The following TOX3 variants were observed in gnomAD, a reference collection of about 807,000 sequenced individuals.
TOX3 encodes TOX high mobility group box family member 3.
TOX3 carries 22 observed loss-of-function variants against 64.3 expected under a neutral mutation model. That is an observed-to-expected ratio of 0.34 (90% confidence interval 0.24 to 0.49). The LOEUF (loss-of-function observed/expected upper bound fraction) is 0.49. TOX3 is among the 20% of genes least tolerant of loss of function. The pLI is 0.99. For synonymous variants in TOX3, 291 were observed against 273.6 expected (o/e 1.06, Z -0.63); for missense variants, 661 against 714.4 (o/e 0.93, Z 0.85).
At chr16:52,440,935 G>C (rs1340674994) in intron 6 of TOX3, among the ~76,000 whole-genome samples, 1 of 151,172 alleles carries the variant, frequency 6.6e-6, no homozygotes, top group Non-Finnish European at 1.5e-5. Context: ...TAATTTTTTT[G>C]TATTTTTTAG....
At chr16:52,469,947 G>A (rs1036911896) in intron 1 of TOX3, among the ~76,000 whole-genome samples, 11 of 152,234 alleles carry the variant, frequency 7.2e-5, no homozygotes, top group African/African-American at 2.2e-4. Context: ...CCAACACACC[G>A]AAATGCACAT....
At chr16:52,468,201 T>C (rs1448600020) in intron 2 of TOX3, among the ~76,000 whole-genome samples, 3 of 152,228 alleles carry the variant, frequency 2.0e-5, no homozygotes, top group Admixed American at 2.0e-4. Flanking sequence ...TCTGCTTAGA[T>C]ACCAACACTG....
chr16:52,499,899 T>C (rs1037645570), intron 1 of TOX3, among the ~76,000 whole-genome samples: 1 of 152,080 alleles, frequency 6.6e-6, no homozygotes, highest in Non-Finnish European at 1.5e-5. Flanking sequence ...GTTCTGAGAG[T>C]GTACAATCTG....
rs536423164 is a variant in TOX3 at position 52,500,771 on chromosome 16, T to A, written c.88-32197A>T. ...AGAAACTATCATATTTCATAAAATCTAAGACACCATTGATTATAAGATATA... is the reference window on the plus strand; with the variant it reads ...AGAAACTATCATATTTCATAAAATCAAAGACACCATTGATTATAAGATATA... On this transcript the variant is annotated intron_variant, in intron 1 of 6. Transcript: ENST00000219746. Among the ~76,000 whole-genome samples, 5 of 152,232 alleles carry A rather than the reference T, an allele frequency of 3.3e-5. No individual in the cohort carries two copies. The East Asian group carries it at 7.7e-4, about 23-fold the overall frequency.
chr16:52,480,929 G>GT (rs11454608), intron 1 of TOX3, among the ~76,000 whole-genome samples: 34,173 of 147,948 alleles, frequency 0.23, 4,430 homozygotes, highest in South Asian at 0.36. Flanking sequence ...TCTGAAGAGA[G>GT]TTTTTTTTTT....
At chr16:52,479,775 G>T (rs891178667) in intron 1 of TOX3, among the ~76,000 whole-genome samples, 1 of 152,150 alleles carries the variant, frequency 6.6e-6, no homozygotes, top group African/African-American at 2.4e-5. Flanking sequence ...TTTAGAAAGG[G>T]TTGTGACCTG....
chr16:52,472,089 G>A, intron 1 of TOX3, among the ~76,000 whole-genome samples: 1 of 152,118 alleles, frequency 6.6e-6, no homozygotes, highest in East Asian at 1.9e-4. Flanking sequence ...TGGTTCCATG[G>A]TCCAGTAAGG....
intron 1 of TOX3, among the ~76,000 whole-genome samples, chr16:52,512,358 A>G (rs1282350659): frequency 2.6e-5 from 4 of 152,224 alleles, no homozygotes; most frequent in Admixed American, 2.6e-4. Flanking sequence ...GTTCAAAATG[A>G]TTCCAACCCA....
chr16:52,440,112 CT>C, intron 6 of TOX3, 144 bp from the exon 7 acceptor site: 1 of 673,534 alleles, frequency 1.5e-6, no homozygotes, highest in Non-Finnish European at 2.4e-6. Flanking sequence ...TGTCTTGTGA[CT>C]TTTTCACTCC....
intron 4 of TOX3, among the ~76,000 whole-genome samples, chr16:52,448,610 C>T (rs1596776791): frequency 6.6e-6 from 1 of 152,152 alleles, no homozygotes; most frequent in African/African-American, 2.4e-5. Flanking sequence ...CATCTTGAAA[C>T]CCCTTCAATT....
chr16:52,513,025 G>T (rs942369908), intron 1 of TOX3, among the ~76,000 whole-genome samples: 1 of 152,294 alleles, frequency 6.6e-6, no homozygotes, highest in African/African-American at 2.4e-5. Context: ...ATAATGTCAC[G>T]TTGCATACCA....
At chr16:52,519,381 A>C (rs1297943253) in intron 1 of TOX3, 1 of 1,549,642 alleles carries the variant, frequency 6.5e-7, no homozygotes, top group Non-Finnish European at 8.7e-7. Flanking sequence ...TCCATTAGAA[A>C]CCTCACCAGA....
chr16:52,501,863 G>A (rs1402687080), intron 1 of TOX3, among the ~76,000 whole-genome samples: 1 of 152,138 alleles, frequency 6.6e-6, no homozygotes, highest in African/African-American at 2.4e-5. Context: ...AACAAGTAAA[G>A]TTCCTTCTGC....
At chr16:52,515,948 T>C (rs559939280) in intron 1 of TOX3, among the ~76,000 whole-genome samples, 1 of 146,238 alleles carries the variant, frequency 6.8e-6, no homozygotes, top group South Asian at 2.2e-4. Context: ...CTCTTTTCTT[T>C]CCCATTTGAA....
At chr16:52,542,744 C>T (rs1038577721) in intron 1 of TOX3, among the ~76,000 whole-genome samples, 2 of 152,122 alleles carry the variant, frequency 1.3e-5, no homozygotes, top group Non-Finnish European at 2.9e-5. Flanking sequence ...GAAGACCTGT[C>T]GTGATAGGAT....
At chr16:52,452,111 G>A (rs530068788) in intron 3 of TOX3, among the ~76,000 whole-genome samples, 3 of 152,034 alleles carry the variant, frequency 2.0e-5, no homozygotes, top group Admixed American at 6.5e-5. Flanking sequence ...GTACATAAAA[G>A]GCAAGTTAAA....
intron 1 of TOX3, among the ~76,000 whole-genome samples, chr16:52,543,659 C>G (rs1963120208): frequency 6.6e-6 from 1 of 152,100 alleles, no homozygotes; most frequent in East Asian, 1.9e-4. Flanking sequence ...CCTTAGGAAA[C>G]AGTGATGACT....
upstream of TOX3, chr16:52,547,538 C>T (rs544738174): frequency 9.2e-5 from 14 of 152,334 alleles, no homozygotes; most frequent in South Asian, 4.2e-4. Flanking sequence ...CCGTCTGCTC[C>T]CTTCCTGTCG....
intron 6 of TOX3, among the ~76,000 whole-genome samples, chr16:52,441,488 C>T (rs1046841454): frequency 3.9e-5 from 6 of 152,150 alleles, no homozygotes; most frequent in African/African-American, 1.4e-4. Context: ...ACATTTTGTA[C>T]TAAAAACACT....
Sources: gnomAD v4.1 joint callset for allele counts (sites outside exome capture counted in the v4.1 genomes callset) on GRCh38, gnomAD v4.1.1 for gene constraint, MANE v1.5 for transcripts, NCBI Gene and HGNC (gene_info 2026-07-23, HGNC 2026-07-21) for gene names.